The following SEMA3D variants were observed in gnomAD, a reference collection of about 807,000 sequenced individuals.
SEMA3D encodes the protein semaphorin 3D.
In SEMA3D, 84 loss-of-function variants were observed where a neutral mutation model predicts 100.1. The observed-to-expected ratio is 0.84, with a 90% CI of 0.70 to 1.01. The LOEUF is 1.01. Ranked by LOEUF, SEMA3D falls within the 50% of genes least tolerant of loss-of-function variation. SEMA3D has a pLI of 0.00. For synonymous variants in SEMA3D, 312 were observed against 320.7 expected (o/e 0.97, Z 0.29); for missense variants, 875 against 934.1 (o/e 0.94, Z 0.82).
chr7:85,221,708 T>A, the SEMA3D span, among the ~76,000 whole-genome samples: 2 of 152,100 alleles, frequency 1.3e-5, no homozygotes, highest in Non-Finnish European at 2.9e-5. Context: ...GTTATGAGTA[T>A]CTTTAGGAGA....
At chr7:85,240,393 T>G in the SEMA3D span, among the ~76,000 whole-genome samples, 3 of 152,180 alleles carry the variant, frequency 2.0e-5, no homozygotes, top group Non-Finnish European at 4.4e-5. Flanking sequence ...TTATTGGATT[T>G]GATTTGCTAA....
chr7:85,062,306 G>T (rs150934234), intron 8 of SEMA3D, among the ~76,000 whole-genome samples: 42 of 152,230 alleles, frequency 2.8e-4, no homozygotes, highest in Admixed American at 5.2e-4. Context: ...AATTTTGAAT[G>T]GGAAGAGATG....
chr7:85,245,888 A>T, the SEMA3D span, among the ~76,000 whole-genome samples: 1 of 152,140 alleles, frequency 6.6e-6, no homozygotes, highest in Non-Finnish European at 1.5e-5. Context: ...GCTATATCAT[A>T]GTTTAAGCAA....
At chr7:85,171,118 G>C (rs1392600786) in intron 1 of SEMA3D, among the ~76,000 whole-genome samples, 8 of 152,022 alleles carry the variant, frequency 5.3e-5, no homozygotes, top group Admixed American at 5.3e-4. Context: ...CCAAAAGACA[G>C]TGTACACACT....
chr7:85,075,431 A>C (rs1791895556), intron 5 of SEMA3D, among the ~76,000 whole-genome samples: 1 of 151,834 alleles, frequency 6.6e-6, no homozygotes, highest in Non-Finnish European at 1.5e-5. Flanking sequence ...TATTAAAAAA[A>C]AAAAAAACCT....
chr7:85,028,103 C>T, intron 12 of SEMA3D: 1 of 629,978 alleles, frequency 1.6e-6, no homozygotes, highest in Non-Finnish European at 3.0e-6. Flanking sequence ...ATTGGCCTTT[C>T]ACGGTGGTAA....
At chr7:85,215,117 C>CTTTT in the SEMA3D span, among the ~76,000 whole-genome samples, 15 of 128,258 alleles carry the variant, frequency 1.2e-4, no homozygotes, top group East Asian at 4.6e-4. Flanking sequence ...TTCTTTCTTT[C>CTTTT]TTTTTTTTTT....
chr7:85,169,817 G>A (rs1243961488), intron 1 of SEMA3D, among the ~76,000 whole-genome samples: 1 of 151,270 alleles, frequency 6.6e-6, no homozygotes, highest in Non-Finnish European at 1.5e-5. Flanking sequence ...CACTATGCTA[G>A]GTATCACACA....
intron 3 of SEMA3D, among the ~76,000 whole-genome samples, chr7:85,103,667 T>C (rs1788817581): frequency 1.3e-5 from 2 of 152,082 alleles, no homozygotes; most frequent in Non-Finnish European, 2.9e-5. Context: ...TGCATTCTCC[T>C]ATTACCTTGT....
intron 3 of SEMA3D, among the ~76,000 whole-genome samples, chr7:85,111,756 A>T (rs1259185905): frequency 1.1e-4 from 17 of 152,048 alleles, no homozygotes; most frequent in African/African-American, 3.9e-4. Context: ...GCAGTAGAAG[A>T]TCTAATCCCT....
intron 2 of SEMA3D, among the ~76,000 whole-genome samples, chr7:85,128,162 ATTATT>A (rs1166145899): frequency 4.0e-5 from 6 of 151,152 alleles, no homozygotes; most frequent in Non-Finnish European, 5.9e-5. Flanking sequence ...ATTTTATTTT[ATTATT>A]TTATTTTATT....
At chr7:85,000,009 C>T in intron 18 of SEMA3D, 144 bp from the exon 19 acceptor site, 1 of 713,226 alleles carries the variant, frequency 1.4e-6, no homozygotes, top group East Asian at 2.7e-5. Context: ...ATAATATTGT[C>T]AGCCATAGTT....
At chr7:85,053,933 ATG>A (rs201849290) in intron 9 of SEMA3D, among the ~76,000 whole-genome samples, 6 of 150,430 alleles carry the variant, frequency 4.0e-5, no homozygotes, top group East Asian at 1.9e-4. Flanking sequence ...GTGTGTGTGT[ATG>A]TGTGTGTGTG....
intron 2 of SEMA3D, among the ~76,000 whole-genome samples, chr7:85,127,629 C>T (rs992330595): frequency 6.5e-4 from 99 of 152,206 alleles, no homozygotes; most frequent in African/African-American, 2.3e-3. Context: ...GAAGTTAACA[C>T]ATTTATAAAA....
At chr7:85,238,683 GAT>G in the SEMA3D span, among the ~76,000 whole-genome samples, 1 of 152,108 alleles carries the variant, frequency 6.6e-6, no homozygotes, top group Non-Finnish European at 1.5e-5. Context: ...TTTGGGGTTG[GAT>G]TTTCCATACA....
At chr7:85,213,051 T>C in the SEMA3D span, among the ~76,000 whole-genome samples, 1 of 152,014 alleles carries the variant, frequency 6.6e-6, no homozygotes, top group South Asian at 2.1e-4. Context: ...TTAGAATACA[T>C]TTAGGAATTG....
intron 3 of SEMA3D, among the ~76,000 whole-genome samples, chr7:85,104,852 G>T (rs1030981559): frequency 2.0e-5 from 3 of 151,782 alleles, no homozygotes; most frequent in Non-Finnish European, 4.4e-5. Flanking sequence ...ATGAAAGACA[G>T]AAATTCATGG....
chr7:85,148,013 A>C (rs1156661684), intron 2 of SEMA3D, among the ~76,000 whole-genome samples: 1 of 152,196 alleles, frequency 6.6e-6, no homozygotes, highest in Admixed American at 6.6e-5. Context: ...ATTTCAACCA[A>C]TGAACAAAAG....
chr7:85,184,273 C>T (rs1408534352), intron 1 of SEMA3D, among the ~76,000 whole-genome samples: 1 of 152,132 alleles, frequency 6.6e-6, no homozygotes, highest in African/African-American at 2.4e-5. Flanking sequence ...GAGACCCACA[C>T]CCAGGTAAAA....
Sources: allele counts gnomAD v4.1 joint callset (sites outside exome capture counted in the v4.1 genomes callset), GRCh38; gene constraint gnomAD v4.1.1; transcripts MANE v1.5; gene names NCBI Gene and HGNC (gene_info 2026-07-23, HGNC 2026-07-21).